The following PCSK5 variants were observed in gnomAD, a reference collection of about 807,000 sequenced individuals.
The protein encoded by PCSK5 is prohormone convertase 5.
In PCSK5, 129 loss-of-function variants were observed where a neutral mutation model predicts 233.2. That is an observed-to-expected ratio of 0.55 (90% CI 0.48 to 0.64). The LOEUF (loss-of-function observed/expected upper bound fraction) is 0.64, where lower values mean the gene tolerates loss of function less well. Ranked by LOEUF, PCSK5 falls within the 30% of genes least tolerant of loss-of-function variation. PCSK5 has a pLI of 0.00. For synonymous variants in PCSK5, 825 were observed against 879.2 expected, an observed-to-expected ratio of 0.94 and a Z score of 1.09; for missense variants, 2,076 against 2,430.1, an observed-to-expected ratio of 0.85 and a Z score of 3.06.
At chr9:76,070,358 A>G (rs1278101491) in intron 6 of PCSK5, among the ~76,000 whole-genome samples, 1 of 152,162 alleles carries the variant, frequency 6.6e-6, no homozygotes, top group Non-Finnish European at 1.5e-5. Context: ...CTGTTAACAC[A>G]CATCTCCATT....
chr9:76,170,988 A>G (rs1823309765), intron 13 of PCSK5, among the ~76,000 whole-genome samples: 1 of 152,224 alleles, frequency 6.6e-6, no homozygotes, highest in Admixed American at 6.5e-5. Flanking sequence ...GGTCAAAGCC[A>G]GAATGGTGGC....
intron 20 of PCSK5, among the ~76,000 whole-genome samples, chr9:76,214,241 T>A (rs1825436909): frequency 6.6e-6 from 1 of 151,926 alleles, no homozygotes; most frequent in East Asian, 1.9e-4. Context: ...TAGTTCCAGA[T>A]TACATGATTG....
At position 76,071,914 on chromosome 9, in the gene PCSK5, A is replaced by G; in HGVS notation, c.894+16A>G. On this transcript the variant is annotated intron_variant, in intron 7 of 37. Coordinates refer to ENST00000674117, the MANE Select transcript of PCSK5 (RefSeq NM_001372043.1). ...CGTTAGAATGGTAGGTTTTAAAAGC[A>G]TGGAGGCTTATACTGTGTGGATGGG... is the stretch of plus-strand genomic sequence containing the variant. 1 of 1,611,326 alleles carries G rather than the reference A, an allele frequency of 6.2e-7. No individual in the cohort carries two copies. Among genetic ancestry groups the G allele is most frequent in the Non-Finnish European group, 8.5e-7 (1 of 1,178,076 alleles).
intron 17 of PCSK5, among the ~76,000 whole-genome samples, chr9:76,187,259 T>C (rs1824147986): frequency 6.6e-6 from 1 of 152,220 alleles, no homozygotes; most frequent in Admixed American, 6.5e-5. Context: ...TAACCCTGTT[T>C]AGATACTGAT....
At chr9:76,036,013 A>G (rs1828846492) in intron 5 of PCSK5, among the ~76,000 whole-genome samples, 1 of 152,140 alleles carries the variant, frequency 6.6e-6, no homozygotes, top group Non-Finnish European at 1.5e-5. Context: ...AGCTACCAGA[A>G]GAGCATGCTG....
chr9:76,289,614 C>G (rs1828217249), intron 24 of PCSK5, among the ~76,000 whole-genome samples: 1 of 151,826 alleles, frequency 6.6e-6, no homozygotes, highest in Non-Finnish European at 1.5e-5. Flanking sequence ...GCCAAGCTGA[C>G]TTAGAGTCAA....
At chr9:76,169,134 A>G (rs1250797267) in intron 12 of PCSK5, among the ~76,000 whole-genome samples, 1 of 152,204 alleles carries the variant, frequency 6.6e-6, no homozygotes, top group Non-Finnish European at 1.5e-5. Context: ...CAGAGGGCCG[A>G]CTGTACCATA....
At chr9:76,357,973 C>A (rs1350963399) in intron 37 of PCSK5, among the ~76,000 whole-genome samples, 1 of 152,168 alleles carries the variant, frequency 6.6e-6, no homozygotes, top group Non-Finnish European at 1.5e-5. Context: ...GAAAATAGAG[C>A]ATTTAGCAAT....
intron 30 of PCSK5, among the ~76,000 whole-genome samples, chr9:76,317,256 A>G (rs56308546): frequency 0.013 from 1,936 of 152,204 alleles, 38 homozygotes; most frequent in African/African-American, 0.043. Context: ...CCAGCTACTC[A>G]GGAGGCTGAG....
chr9:76,086,731 A>G (rs963859319), intron 7 of PCSK5, among the ~76,000 whole-genome samples: 1 of 152,186 alleles, frequency 6.6e-6, no homozygotes, highest in African/African-American at 2.4e-5. Flanking sequence ...TCAGCACTGG[A>G]TGAGGCAAGA....
intron 20 of PCSK5, among the ~76,000 whole-genome samples, chr9:76,224,059 A>T (rs1825806894): frequency 6.6e-6 from 1 of 152,180 alleles, no homozygotes; most frequent in Non-Finnish European, 1.5e-5. Context: ...GACTTGAGAG[A>T]CAGGCACAGT....
chr9:76,268,020 G>A (rs575530974), intron 24 of PCSK5, among the ~76,000 whole-genome samples: 3 of 152,018 alleles, frequency 2.0e-5, no homozygotes, highest in Admixed American at 6.6e-5. Flanking sequence ...ATGTTCTAAC[G>A]TGGGACTGGT....
intron 2 of PCSK5, among the ~76,000 whole-genome samples, chr9:75,974,939 C>T (rs1039526536): frequency 4.6e-5 from 7 of 152,192 alleles, no homozygotes; most frequent in African/African-American, 1.7e-4. Context: ...CTAATTTTTA[C>T]CCATCTCCCT....
intron 20 of PCSK5, among the ~76,000 whole-genome samples, chr9:76,202,025 G>A (rs576878554): frequency 6.6e-6 from 1 of 152,038 alleles, no homozygotes; most frequent in Non-Finnish European, 1.5e-5. Flanking sequence ...AATCACAATG[G>A]TTGCAATATA....
At chr9:76,338,472 A>C (rs757689766) in intron 35 of PCSK5, 25 bp downstream of exon 35, 5 of 1,500,708 alleles carry the variant, frequency 3.3e-6, no homozygotes, top group African/African-American at 2.8e-5. Context: ...GTCATTTTGC[A>C]TGAGTGCGTA....
At chr9:76,231,062 G>A (rs534639332) in intron 21 of PCSK5, among the ~76,000 whole-genome samples, 11 of 152,094 alleles carry the variant, frequency 7.2e-5, no homozygotes, top group African/African-American at 2.4e-4. Context: ...AGAAATACTC[G>A]AGACTGGGTA....
In PCSK5 at chr9:76,131,630, C is replaced by T. The variant is rs1326831584; in HGVS notation, c.1209-2479C>T. Among the ~76,000 whole-genome samples, 4 of 152,172 alleles carry T rather than the reference C, an allele frequency of 2.6e-5. No homozygotes were observed. The South Asian group carries it at 8.3e-4, about 32-fold the overall frequency. ...AATGCAGGAGGCTTCCTGAATCTGC[C>T]AGAATACAGGTGCTTAAGGTATAAG... is the stretch of plus-strand genomic sequence containing the variant. On this transcript the variant is annotated intron_variant, in intron 9 of 37. Transcript: ENST00000674117.
chr9:76,337,401 T>A (rs1829708139), intron 34 of PCSK5, among the ~76,000 whole-genome samples: 1 of 152,110 alleles, frequency 6.6e-6, no homozygotes, highest in Non-Finnish European at 1.5e-5. Context: ...CTTGAACTCC[T>A]GGCTTCAAGT....
intron 32 of PCSK5, among the ~76,000 whole-genome samples, chr9:76,326,068 G>A (rs758706633): frequency 5.3e-4 from 81 of 152,130 alleles, no homozygotes; most frequent in Non-Finnish European, 1.0e-3. Flanking sequence ...GAAGTGTAGA[G>A]AAGCGTTTAG....
Sources: allele counts gnomAD v4.1 joint callset (sites outside exome capture counted in the v4.1 genomes callset), GRCh38; gene constraint gnomAD v4.1.1; transcripts MANE v1.5; gene names NCBI Gene and HGNC (gene_info 2026-07-23, HGNC 2026-07-21).